SLC10A7: variants seen among roughly 807,000 people sequenced by gnomAD.
The protein encoded by SLC10A7 is solute carrier family 10 member 7.
SLC10A7 carries 29 observed loss-of-function variants against 43.2 expected under a neutral mutation model. The ratio of observed to expected loss-of-function variants is 0.67; its 90% CI spans 0.50 to 0.92. The LOEUF (loss-of-function observed/expected upper bound fraction) is 0.92. Among genes scored for constraint, SLC10A7 ranks in the 40% least tolerant of loss-of-function variants. The pLI, the probability that SLC10A7 is intolerant of heterozygous loss-of-function variation, is 0.00. For synonymous variants in SLC10A7, 152 were observed against 144.8 expected, an observed-to-expected ratio of 1.05 and a Z score of -0.35; for missense variants, 295 against 403.2, an observed-to-expected ratio of 0.73 and a Z score of 2.30.
At chr4:146,326,103 G>C in intron 5 of SLC10A7, 107 bp from the exon 6 acceptor site, 1 of 869,600 alleles carries the variant, frequency 1.1e-6, no homozygotes. Flanking sequence ...TCTCACTGCT[G>C]TTTAATAAAA....
chr4:146,431,267 C>T (rs1050057465), intron 5 of SLC10A7, among the ~76,000 whole-genome samples: 12 of 152,060 alleles, frequency 7.9e-5, no homozygotes, highest in Non-Finnish European at 1.3e-4. Context: ...GAGAATAACA[C>T]TATGAGGCTG....
intron 6 of SLC10A7, among the ~76,000 whole-genome samples, chr4:146,322,701 T>G (rs1293717340): frequency 6.6e-6 from 1 of 152,168 alleles, no homozygotes; most frequent in African/African-American, 2.4e-5. Flanking sequence ...TGTGTCTTTA[T>G]AGCAGCATGA....
intron 10 of SLC10A7, among the ~76,000 whole-genome samples, chr4:146,281,015 C>T (rs550263128): frequency 6.6e-5 from 10 of 152,252 alleles, no homozygotes; most frequent in African/African-American, 2.4e-4. Context: ...TACACTAGTA[C>T]AGCATCATAT....
chr4:146,478,445 C>CAT (rs1734211381), intron 4 of SLC10A7: 1 of 152,170 alleles, frequency 6.6e-6, no homozygotes, highest in East Asian at 1.9e-4. Flanking sequence ...ATAGGATGTA[C>CAT]ATATTATACC....
At chr4:146,465,937 T>C (rs890066091) in intron 4 of SLC10A7, among the ~76,000 whole-genome samples, 1 of 152,188 alleles carries the variant, frequency 6.6e-6, no homozygotes, top group African/African-American at 2.4e-5. Context: ...ATTGTGAACA[T>C]AGTTTGAGAT....
intron 7 of SLC10A7, among the ~76,000 whole-genome samples, chr4:146,296,435 T>C (rs1053642307): frequency 1.3e-5 from 2 of 152,272 alleles, no homozygotes; most frequent in Admixed American, 6.5e-5. Context: ...TAGAGTCTCA[T>C]AGTAGAATAG....
At chr4:146,517,554 TACTGTCCCA>T (rs1478116823) in intron 1 of SLC10A7, among the ~76,000 whole-genome samples, 12 of 152,160 alleles carry the variant, frequency 7.9e-5, no homozygotes, top group African/African-American at 2.9e-4. Flanking sequence ...CCTGGTGTCT[TACTGTCCCA>T]ACAGAGGTAA....
intron 6 of SLC10A7, among the ~76,000 whole-genome samples, chr4:146,322,294 A>G (rs1732765270): frequency 6.6e-6 from 1 of 152,016 alleles, no homozygotes; most frequent in Non-Finnish European, 1.5e-5. Context: ...ATATGTATAC[A>G]TGTGCCATGT....
chr4:146,407,839 C>T (rs528158650), intron 5 of SLC10A7, among the ~76,000 whole-genome samples: 3 of 152,042 alleles, frequency 2.0e-5, no homozygotes, highest in Non-Finnish European at 4.4e-5. Context: ...GACAGATAGC[C>T]GAGATATTGA....
Position 146,256,341 on chromosome 4 carries a change from C to T in SLC10A7, c.*150G>A. 1.4e-6 allele frequency: 1 copy of T among 696,278 alleles called. No individual in the cohort carries two copies. Among genetic ancestry groups the T allele is most frequent in the Non-Finnish European group, 2.4e-6 (1 of 409,014 alleles). The allele number at this position is 696,278 out of a possible 1,614,324, so 43.1% of individuals were successfully genotyped here. On this transcript the variant is annotated 3_prime_UTR_variant, in exon 12 of 12. Transcript: ENST00000335472. ...TTGGAAATAACGCTCTTGTCAAATA[C>T]ATTTTAAGGCACTTAAACAGGATCT... is the stretch of plus-strand genomic sequence containing the variant.
chr4:146,349,415 G>A (rs1353752586), intron 5 of SLC10A7, among the ~76,000 whole-genome samples: 1 of 152,204 alleles, frequency 6.6e-6, no homozygotes, highest in Non-Finnish European at 1.5e-5. Context: ...TGGTGGGAAT[G>A]TAAATTATTT....
intron 1 of SLC10A7, among the ~76,000 whole-genome samples, chr4:146,518,823 G>T (rs2150063317): frequency 6.6e-6 from 1 of 151,784 alleles, no homozygotes; most frequent in Admixed American, 6.6e-5. Context: ...AGACTCAAAG[G>T]ATTCTTTCCC....
intron 2 of SLC10A7, among the ~76,000 whole-genome samples, chr4:146,516,536 A>C (rs1357537977): frequency 6.6e-6 from 1 of 150,974 alleles, no homozygotes; most frequent in African/African-American, 2.4e-5. Context: ...AAAAACATCA[A>C]TATTTCTCTT....
intron 5 of SLC10A7, among the ~76,000 whole-genome samples, chr4:146,371,607 C>A (rs1736786045): frequency 6.6e-6 from 1 of 152,180 alleles, no homozygotes; most frequent in Non-Finnish European, 1.5e-5. Flanking sequence ...GACATAATTT[C>A]AGAGTTAGCC....
At chr4:146,258,929 G>T (rs1274987242) in intron 10 of SLC10A7, 92 bp from the exon 11 acceptor site, 1 of 1,349,758 alleles carries the variant, frequency 7.4e-7, no homozygotes, top group African/African-American at 1.5e-5. Context: ...TTTGGAATAG[G>T]TTATTACCAT....
intron 5 of SLC10A7, among the ~76,000 whole-genome samples, chr4:146,367,924 G>A (rs1236746572): frequency 6.6e-6 from 1 of 152,136 alleles, no homozygotes; most frequent in East Asian, 1.9e-4. Context: ...AATAGCAAGT[G>A]ACAAAGGCAA....
chr4:146,293,122 A>G lies in SLC10A7; in HGVS notation c.722-142T>C. On this transcript the variant is annotated intron_variant, in intron 8 of 11. Transcript: ENST00000335472. ...ATAAACCAAACAAGCATGCCTTGCT[A>G]AATTGAAAGAATCATTTAAATTAGT... The G allele has an allele frequency of 5.5e-6, 3 of 547,638 alleles. No homozygotes were observed. In the South Asian group the frequency reaches 7.7e-5, roughly 14 times the overall value. The allele number at this position is 547,638 out of a possible 1,614,324, so 33.9% of individuals were successfully genotyped here.
chr4:146,382,049 G>C (rs1055626705), intron 5 of SLC10A7, among the ~76,000 whole-genome samples: 13 of 151,488 alleles, frequency 8.6e-5, no homozygotes, highest in African/African-American at 3.2e-4. Context: ...TAAAGGCATG[G>C]GATAAGAGAA....
chr4:146,349,305 A>T (rs984730832), intron 5 of SLC10A7, among the ~76,000 whole-genome samples: 9 of 152,212 alleles, frequency 5.9e-5, no homozygotes, highest in Non-Finnish European at 1.2e-4. Flanking sequence ...TCAAAACCAC[A>T]ATGAGACACC....
Sources: allele counts gnomAD v4.1 joint callset (sites outside exome capture counted in the v4.1 genomes callset), GRCh38; gene constraint gnomAD v4.1.1; transcripts MANE v1.5; gene names NCBI Gene and HGNC (gene_info 2026-07-23, HGNC 2026-07-21).